The following AMPD3 variants were observed in gnomAD, a reference collection of about 807,000 sequenced individuals.
AMPD3 encodes adenosine monophosphate deaminase 3.
Under a neutral mutation model 82.3 loss-of-function variants are expected in AMPD3, and 57 were observed. That is an observed-to-expected ratio of 0.69 (90% CI 0.56 to 0.86). AMPD3 has a LOEUF of 0.86. AMPD3 is among the 40% of genes least tolerant of loss of function. The pLI, the probability that AMPD3 is intolerant of heterozygous loss-of-function variation, is 0.00. For synonymous variants in AMPD3, 381 were observed against 394.7 expected (o/e 0.97, Z 0.41); for missense variants, 870 against 1,003.8 (o/e 0.87, Z 1.80).
At chr11:10,465,856 G>A (rs980702655) in intron 2 of AMPD3, among the ~76,000 whole-genome samples, 3 of 145,702 alleles carry the variant, frequency 2.1e-5, no homozygotes, top group African/African-American at 5.1e-5. Context: ...CCCCAGTGGC[G>A]CCTGGAGCGC....
At chr11:10,499,936 G>A in intron 10 of AMPD3, 150 bp from the exon 11 acceptor site, 22 of 1,505,232 alleles carry the variant, frequency 1.5e-5, no homozygotes, top group Non-Finnish European at 2.0e-5. Flanking sequence ...GAGGAATATG[G>A]CCTCAGGCAG....
intron 7 of AMPD3, chr11:10,494,651 G>T (rs1308831307): frequency 1.0e-6 from 1 of 985,322 alleles, no homozygotes; most frequent in Non-Finnish European, 1.2e-6. Context: ...CCTGAGCCGA[G>T]CTGTGGTAAC....
In AMPD3 at chr11:10,492,880, G is replaced by A. The variant is rs189925294; in HGVS notation, c.940-469G>A. ...GATGAGATGGTGGAGAGAAAGGAGG[G>A]CATTCCAGACTGAAGAAACACGTGG... On this transcript the variant is annotated intron_variant, in intron 6 of 14. Coordinates refer to ENST00000396553, the MANE Select transcript of AMPD3 (RefSeq NM_001025389.2). 9.8e-5 allele frequency among the ~76,000 whole-genome samples: 15 copies of A among 152,304 alleles called. No homozygotes were observed. In the East Asian group the frequency reaches 2.9e-3, roughly 29 times the overall value.
chr11:10,469,529 A>C (rs1159312229), intron 2 of AMPD3, among the ~76,000 whole-genome samples: 1 of 152,228 alleles, frequency 6.6e-6, no homozygotes, highest in African/African-American at 2.4e-5. Context: ...AAAAAAGCCC[A>C]GAACCAGACA....
chr11:10,492,166 C>T (rs1423939163), intron 6 of AMPD3, among the ~76,000 whole-genome samples: 2 of 152,238 alleles, frequency 1.3e-5, no homozygotes, highest in East Asian at 1.9e-4. Flanking sequence ...TGTTTTGAGA[C>T]CTTGCTGGGC....
chr11:10,502,428 G>A (rs1425749176), intron 12 of AMPD3: 8 of 985,164 alleles, frequency 8.1e-6, no homozygotes, highest in African/African-American at 1.7e-5. Context: ...GGAGTGGGCT[G>A]CCCTTCCTGC....
In AMPD3 at chr11:10,496,865, A is replaced by G; in HGVS notation, c.1484A>G (p.Asn495Ser). Residue 495 changes from asparagine to serine, a missense_variant, in exon 10 of 15, where the codon AAC becomes AGC. Coordinates refer to ENST00000396553, the MANE Select transcript of AMPD3 (RefSeq NM_001025389.2). ...LLPNFGKMLENIFLPLFKATI... is the reference protein window; with the variant it reads ...LLPNFGKMLESIFLPLFKATI... ...CCAAACTTTGGGAAGATGCTGGAGAACATCTTCCTGCCCCTTTTCAAGGCC... is the reference window on the plus strand; with the variant it reads ...CCAAACTTTGGGAAGATGCTGGAGAGCATCTTCCTGCCCCTTTTCAAGGCC... 6.2e-7 allele frequency: 1 copy of G among 1,613,962 alleles called. No individual in the cohort carries two copies. The highest frequency in any genetic ancestry group is 8.5e-7 in the Non-Finnish European group (1 of 1,179,850).
chr11:10,478,031 C>G (rs1324652605), intron 2 of AMPD3: 1 of 985,322 alleles, frequency 1.0e-6, no homozygotes, highest in East Asian at 1.1e-4. Flanking sequence ...CCCCAAATGT[C>G]TAACTGTGTG....
At chr11:10,458,904 G>A (rs1848178254) in intron 1 of AMPD3, among the ~76,000 whole-genome samples, 1 of 152,168 alleles carries the variant, frequency 6.6e-6, no homozygotes, top group Non-Finnish European at 1.5e-5. Flanking sequence ...TGCGATGTGA[G>A]GTTTTGGGAT....
chr11:10,504,056 T>A (rs1308467123), intron 13 of AMPD3: 1 of 974,006 alleles, frequency 1.0e-6, no homozygotes, highest in Non-Finnish European at 1.2e-6. Flanking sequence ...TTACCACTTA[T>A]CCTATGATCA....
rs745851931 is a variant in AMPD3, at chr11:10,487,368, C to T, written c.939+4C>T. 31 of 1,613,722 alleles carry T rather than the reference C, an allele frequency of 1.9e-5. No individual in the cohort carries two copies. The highest frequency in any genetic ancestry group is 4.0e-5 in the African/African-American group (3 of 74,896). ...GGACTTCTATAACGTGAGAAAGGTGCGTTAGGGGCGAGTGTTCACAGCTGC... is the reference window on the plus strand; with the variant it reads ...GGACTTCTATAACGTGAGAAAGGTGTGTTAGGGGCGAGTGTTCACAGCTGC... On this transcript the variant is annotated splice_donor_region_variant and intron_variant, in intron 6 of 14. Transcript: ENST00000396553.
chr11:10,479,932 A>T, intron 3 of AMPD3: 1 of 985,480 alleles, frequency 1.0e-6, no homozygotes, highest in Non-Finnish European at 1.2e-6. Flanking sequence ...GGAGATCAGC[A>T]TCCTGACCAT....
At chr11:10,462,471 C>G (rs748923977) in intron 2 of AMPD3, among the ~76,000 whole-genome samples, 2 of 152,148 alleles carry the variant, frequency 1.3e-5, no homozygotes, top group African/African-American at 4.8e-5. Flanking sequence ...CCAGTGGAAA[C>G]TGGAGCCAAG....
intron 1 of AMPD3, among the ~76,000 whole-genome samples, chr11:10,458,897 G>A (rs1273935282): frequency 6.6e-6 from 1 of 152,140 alleles, no homozygotes; most frequent in African/African-American, 2.4e-5. Context: ...TCTGAGATGC[G>A]ATGTGAGGTT....
intron 3 of AMPD3, chr11:10,481,777 G>A (rs559026304): frequency 7.3e-5 from 34 of 465,500 alleles, no homozygotes; most frequent in South Asian, 6.2e-4. Flanking sequence ...AAGCTCATTA[G>A]AGATTCGGTG....
At chr11:10,500,005 C>T in intron 10 of AMPD3, 81 bp from the exon 11 acceptor site, 1 of 1,588,538 alleles carries the variant, frequency 6.3e-7, no homozygotes, top group Admixed American at 1.8e-5. Flanking sequence ...AGGCCTCTGG[C>T]AGCTATGAGC....
chr11:10,488,361 G>C, intron 6 of AMPD3: 1 of 985,456 alleles, frequency 1.0e-6, no homozygotes, highest in Non-Finnish European at 1.2e-6. Flanking sequence ...AGCTGACTTA[G>C]AGTGAGTAGG....
chr11:10,472,816 C>G (rs974891341), intron 2 of AMPD3, among the ~76,000 whole-genome samples: 3 of 152,062 alleles, frequency 2.0e-5, no homozygotes, highest in African/African-American at 7.2e-5. Flanking sequence ...CCAGCCTGGC[C>G]AACATGTAGA....
At chr11:10,481,233 G>A (rs1225536862) in intron 3 of AMPD3, among the ~76,000 whole-genome samples, 1 of 152,218 alleles carries the variant, frequency 6.6e-6, no homozygotes, top group African/African-American at 2.4e-5. Flanking sequence ...GATTAACAGA[G>A]TTAATCAGAA....
Sources: allele counts gnomAD v4.1 joint callset (sites outside exome capture counted in the v4.1 genomes callset), GRCh38; gene constraint gnomAD v4.1.1; transcripts MANE v1.5; gene names NCBI Gene and HGNC (gene_info 2026-07-23, HGNC 2026-07-21).